GABRB1: variants seen among roughly 807,000 people sequenced by gnomAD.
GABRB1 encodes the protein gamma-aminobutyric acid receptor subunit beta-1.
A neutral mutation model predicts 51.6 loss-of-function variants in GABRB1; 17 were observed. The observed-to-expected ratio is 0.33, with a 90% CI of 0.23 to 0.49. The LOEUF is 0.49. Among genes scored for constraint, GABRB1 ranks in the 20% least tolerant of loss-of-function variants. The pLI is 0.99. For synonymous variants in GABRB1, 247 were observed against 218.9 expected (o/e 1.13, Z -1.14); for missense variants, 410 against 600.6 (o/e 0.68, Z 3.32).
chr4:47,416,351 T>C (rs1728915887), intron 8 of GABRB1, among the ~76,000 whole-genome samples: 1 of 152,166 alleles, frequency 6.6e-6, no homozygotes, highest in African/African-American at 2.4e-5. Context: ...TGGTGCTTTT[T>C]GGACTAGAAT....
At chr4:47,014,394 A>T (rs971420428) in intron 1 of GABRB1, among the ~76,000 whole-genome samples, 1 of 152,154 alleles carries the variant, frequency 6.6e-6, no homozygotes, top group Non-Finnish European at 1.5e-5. Context: ...TAAATCTAAC[A>T]CTATTGTCAT....
intron 5 of GABRB1, among the ~76,000 whole-genome samples, chr4:47,381,172 C>A (rs1165131010): frequency 6.6e-6 from 1 of 152,066 alleles, no homozygotes; most frequent in Non-Finnish European, 1.5e-5. Flanking sequence ...GAAGCCTCAC[C>A]CTTGGGAGCT....
At chr4:47,212,900 G>A (rs1487323524) in intron 4 of GABRB1, among the ~76,000 whole-genome samples, 1 of 152,112 alleles carries the variant, frequency 6.6e-6, no homozygotes, top group Non-Finnish European at 1.5e-5. Flanking sequence ...AAGCATAGGT[G>A]GAAGTAGCAG....
chr4:47,127,173 A>C (rs1294433558), intron 3 of GABRB1, among the ~76,000 whole-genome samples: 1 of 151,842 alleles, frequency 6.6e-6, no homozygotes, highest in Non-Finnish European at 1.5e-5. Context: ...TTTGGATTAA[A>C]TCTTTATAAT....
At chr4:47,040,013 A>G (rs1309557937) in intron 3 of GABRB1, among the ~76,000 whole-genome samples, 1 of 152,194 alleles carries the variant, frequency 6.6e-6, no homozygotes, top group Non-Finnish European at 1.5e-5. Flanking sequence ...TGGAAGTGGA[A>G]CAAGGACCAG....
intron 4 of GABRB1, among the ~76,000 whole-genome samples, chr4:47,242,425 T>G (rs541686254): frequency 1.4e-4 from 21 of 152,226 alleles, no homozygotes; most frequent in Non-Finnish European, 2.4e-4. Context: ...CTGGGTCAAA[T>G]GGTATTTCTA....
intron 4 of GABRB1, among the ~76,000 whole-genome samples, chr4:47,206,166 G>A (rs753193128): frequency 1.3e-5 from 2 of 151,960 alleles, no homozygotes; most frequent in African/African-American, 2.4e-5. Flanking sequence ...ACACTCTGGT[G>A]GAAAAACATA....
intron 4 of GABRB1, among the ~76,000 whole-genome samples, chr4:47,226,599 T>C (rs1401226248): frequency 6.6e-6 from 1 of 152,138 alleles, no homozygotes; most frequent in Non-Finnish European, 1.5e-5. Context: ...AAATCCTTTT[T>C]TTATATAAAA....
chr4:47,107,654 A>C (rs983329998), intron 3 of GABRB1, among the ~76,000 whole-genome samples: 2 of 152,100 alleles, frequency 1.3e-5, no homozygotes. Context: ...GTTAGTTGAC[A>C]TATATGAACG....
intron 3 of GABRB1, among the ~76,000 whole-genome samples, chr4:47,042,097 A>G (rs866571130): frequency 9.9e-5 from 15 of 152,008 alleles, no homozygotes; most frequent in Admixed American, 2.6e-4. Flanking sequence ...GCTTAGAATT[A>G]TATTCTTCAT....
intron 3 of GABRB1, among the ~76,000 whole-genome samples, chr4:47,053,317 C>G (rs971465894): frequency 6.6e-6 from 1 of 152,116 alleles, no homozygotes; most frequent in Non-Finnish European, 1.5e-5. Context: ...CTGGGAACGC[C>G]AAGATGAAGG....
intron 4 of GABRB1, among the ~76,000 whole-genome samples, chr4:47,241,817 A>G (rs1721534265): frequency 6.6e-6 from 1 of 152,258 alleles, no homozygotes; most frequent in Admixed American, 6.5e-5. Context: ...TTTTAAATCT[A>G]ATATTCTACT....
At chr4:47,387,727 A>T (rs1727849310) in intron 5 of GABRB1, among the ~76,000 whole-genome samples, 1 of 152,180 alleles carries the variant, frequency 6.6e-6, no homozygotes, top group Non-Finnish European at 1.5e-5. Context: ...TCTCATCCAC[A>T]TGGGACCAGA....
At chr4:47,221,577 T>A (rs549548005) in intron 4 of GABRB1, among the ~76,000 whole-genome samples, 1 of 152,024 alleles carries the variant, frequency 6.6e-6, no homozygotes, top group South Asian at 2.1e-4. Context: ...TAGATGGGAA[T>A]TGATATATAA....
At position 47,173,081 on chromosome 4, in the gene GABRB1, C is replaced by G. The variant is rs551421644; in HGVS notation, c.461+11612C>G. ...AACCATTTCAAGATAGTAACAATAA[C>G]AAAAATTCATGTAAATTCTATTTTT... is the stretch of plus-strand genomic sequence containing the variant. On this transcript the variant is annotated intron_variant, in intron 4 of 8. Transcript: ENST00000295454. 2.6e-5 allele frequency among the ~76,000 whole-genome samples: 4 copies of G among 152,190 alleles called. No individual in the cohort carries two copies. The East Asian group carries it at 7.7e-4, about 29-fold the overall frequency.
At chr4:47,117,612 G>T (rs1049458487) in intron 3 of GABRB1, among the ~76,000 whole-genome samples, 4 of 152,020 alleles carry the variant, frequency 2.6e-5, no homozygotes, top group Non-Finnish European at 5.9e-5. Flanking sequence ...CTAACACTTG[G>T]GTAGCAATAA....
chr4:47,344,406 A>G (rs1030741774), intron 5 of GABRB1, among the ~76,000 whole-genome samples: 1 of 152,214 alleles, frequency 6.6e-6, no homozygotes, highest in Non-Finnish European at 1.5e-5. Context: ...ATATGGTTAG[A>G]GTACTGGAAG....
intron 3 of GABRB1, among the ~76,000 whole-genome samples, chr4:47,106,467 C>G (rs140882414): frequency 6.8e-4 from 103 of 152,134 alleles, no homozygotes; most frequent in African/African-American, 2.4e-3. Flanking sequence ...ATATAGTTAA[C>G]TTAAGCTTCA....
intron 5 of GABRB1, among the ~76,000 whole-genome samples, chr4:47,343,407 C>T (rs1725975984): frequency 6.6e-6 from 1 of 152,098 alleles, no homozygotes; most frequent in South Asian, 2.1e-4. Context: ...TCAGCTTGAC[C>T]CTTTTTATGG....
Sources: gnomAD v4.1 joint callset for allele counts (sites outside exome capture counted in the v4.1 genomes callset) on GRCh38, gnomAD v4.1.1 for gene constraint, MANE v1.5 for transcripts, NCBI Gene and HGNC (gene_info 2026-07-23, HGNC 2026-07-21) for gene names.